NHEJ1: variants seen among roughly 807,000 people sequenced by gnomAD.
NHEJ1 encodes the protein non-homologous end joining factor 1.
NHEJ1 carries 22 observed loss-of-function variants against 39.4 expected under a neutral mutation model. The observed-to-expected ratio is 0.56, with a 90% confidence interval of 0.40 to 0.80. The LOEUF (loss-of-function observed/expected upper bound fraction) is 0.80. Ranked by LOEUF, NHEJ1 falls within the 30% of genes least tolerant of loss-of-function variation. The probability of loss-of-function intolerance (pLI) is 0.00; values close to 1 mark genes in which losing one functional copy is unlikely to be tolerated. For missense variants in NHEJ1, 329 were observed against 357.1 expected, an observed-to-expected ratio of 0.92 and a Z score of 0.63; for synonymous variants, 154 against 135.6, an observed-to-expected ratio of 1.14 and a Z score of -0.94.
At chr2:219,122,519 T>C (rs1949481345) in intron 5 of NHEJ1, among the ~76,000 whole-genome samples, 1 of 152,200 alleles carries the variant, frequency 6.6e-6, no homozygotes, top group Non-Finnish European at 1.5e-5. Context: ...CCAGTGGTAT[T>C]CAATAAATGC....
intron 5 of NHEJ1, among the ~76,000 whole-genome samples, chr2:219,103,456 A>G (rs1395522126): frequency 6.6e-6 from 1 of 151,804 alleles, no homozygotes; most frequent in African/African-American, 2.4e-5. Context: ...TTGTATTTTT[A>G]GTAGAGATGA....
chr2:219,123,841 T>C (rs1478195785), intron 5 of NHEJ1, among the ~76,000 whole-genome samples: 1 of 152,112 alleles, frequency 6.6e-6, no homozygotes, highest in African/African-American at 2.4e-5. Context: ...AGGCCACACC[T>C]AGGAAGAGGG....
intron 7 of NHEJ1, 100 bp from the exon 8 acceptor site, chr2:219,076,555 GC>G: frequency 1.3e-6 from 1 of 756,030 alleles, no homozygotes; most frequent in Non-Finnish European, 2.1e-6. Context: ...TTAGGATGAG[GC>G]CTTTTTTTTT....
chr2:219,132,310 G>A (rs548994082), intron 5 of NHEJ1, among the ~76,000 whole-genome samples: 53 of 152,198 alleles, frequency 3.5e-4, no homozygotes, highest in African/African-American at 1.3e-3. Flanking sequence ...AAATTTAGGG[G>A]GGGATACTCT....
chr2:219,140,523 G>C (rs1016978669), intron 5 of NHEJ1, among the ~76,000 whole-genome samples: 3 of 152,168 alleles, frequency 2.0e-5, no homozygotes, highest in African/African-American at 4.8e-5. Context: ...TAGTTTTAAG[G>C]TAAAGCCAAC....
chr2:219,123,470 C>A (rs1949489794), intron 5 of NHEJ1, among the ~76,000 whole-genome samples: 2 of 152,092 alleles, frequency 1.3e-5, no homozygotes, highest in South Asian at 4.1e-4. Flanking sequence ...TAAAAACAAA[C>A]AAAAACAACA....
intron 5 of NHEJ1, among the ~76,000 whole-genome samples, chr2:219,143,116 T>C (rs548275492): frequency 6.6e-5 from 10 of 152,316 alleles, no homozygotes; most frequent in Admixed American, 5.2e-4. Flanking sequence ...AATGACCGCA[T>C]GGCCCTCTGA....
chr2:219,147,667 C>G lies in NHEJ1; in HGVS notation c.519G>C (p.Thr173=). Reference sequence around the variant, plus strand: ...AGAATGTCCTCTTACCTCGAATCAGCGTAGCCCCACTCTCCTGGTAGTCTT... The same window carrying G: ...AGAATGTCCTCTTACCTCGAATCAGGGTAGCCCCACTCTCCTGGTAGTCTT... ...EIQDYQESGA[T]LIRDRLKTEP... The change falls in exon 4 of 8, where the codon ACG becomes ACC. Residue 173 remains threonine, a synonymous_variant. Transcript: ENST00000356853. 6.2e-7 allele frequency: 1 copy of G among 1,614,190 alleles called. No individual in the cohort carries two copies.
chr2:219,079,439 G>T (rs1291159544), intron 5 of NHEJ1, among the ~76,000 whole-genome samples: 3 of 152,210 alleles, frequency 2.0e-5, no homozygotes, highest in Non-Finnish European at 4.4e-5. Context: ...ATAGAAGAGA[G>T]AAAGTGTGAG....
chr2:219,157,736 C>T (rs780469706), intron 2 of NHEJ1, 52 bp from the exon 3 acceptor site: 1 of 1,450,592 alleles, frequency 6.9e-7, no homozygotes, highest in South Asian at 1.2e-5. Context: ...AAACTAATTC[C>T]CTCATAAGTA....
chr2:219,112,359 G>A (rs1425171329), intron 5 of NHEJ1, among the ~76,000 whole-genome samples: 1 of 152,086 alleles, frequency 6.6e-6, no homozygotes, highest in Admixed American at 6.5e-5. Flanking sequence ...CAAAAATATT[G>A]TCCTAATTCA....
At chr2:219,110,865 C>T (rs1055189645) in intron 5 of NHEJ1, among the ~76,000 whole-genome samples, 1 of 152,094 alleles carries the variant, frequency 6.6e-6, no homozygotes, top group Non-Finnish European at 1.5e-5. Context: ...TTCATCACAG[C>T]GCTCCTCCTC....
rs1162461853 is a variant in NHEJ1, at chr2:219,074,720, CA to C, written c.*1660del. ...TTGTGCGATTGTACTCCAGCCTAGGCAACAAGAGCAAGACTCCATTAAAAAA... is the reference window on the plus strand; with the variant it reads ...TTGTGCGATTGTACTCCAGCCTAGGCACAAGAGCAAGACTCCATTAAAAAA... On this transcript the variant is annotated 3_prime_UTR_variant, in exon 8 of 8. Coordinates refer to ENST00000356853, the MANE Select transcript of NHEJ1 (RefSeq NM_024782.3). Among the ~76,000 whole-genome samples, 19 of 149,388 alleles carry C rather than the reference CA, an allele frequency of 1.3e-4. 1 individual carries two copies. In the East Asian group the frequency reaches 3.7e-3, roughly 29 times the overall value.
At chr2:219,130,772 T>C (rs541577057) in intron 5 of NHEJ1, among the ~76,000 whole-genome samples, 2 of 152,252 alleles carry the variant, frequency 1.3e-5, no homozygotes, top group African/African-American at 4.8e-5. Flanking sequence ...ACTCTCCAAA[T>C]AATAGTCTGT....
Position 219,137,595 on chromosome 2 carries a change from A to AAAAAAAAAAAAC in NHEJ1, c.588+9084_588+9085insGTTTTTTTTTTT, listed in dbSNP as rs143557047. ...CAAAAAAAAAAAAAAAAAAAAAACA[A>AAAAAAAAAAAAC]AAAAAACTGAAAACCACCTTCAGAA... On this transcript the variant is annotated intron_variant, in intron 5 of 7. Transcript: ENST00000356853. Among the ~76,000 whole-genome samples, 78 of 82,748 alleles carry AAAAAAAAAAAAC rather than the reference A, an allele frequency of 9.4e-4. 3 individuals are homozygous for AAAAAAAAAAAAC. The highest frequency in any genetic ancestry group is 1.9e-3 in the Non-Finnish European group (62 of 32,956). 54.3% of individuals were successfully genotyped at this position (82,748 alleles called of 152,430 possible).
intron 5 of NHEJ1, among the ~76,000 whole-genome samples, chr2:219,113,205 G>A (rs960611319): frequency 3.3e-5 from 5 of 152,172 alleles, no homozygotes; most frequent in African/African-American, 9.6e-5. Flanking sequence ...TGTTAAACGT[G>A]TGTCATAAAA....
chr2:219,092,551 C>T (rs1559188849), intron 5 of NHEJ1, among the ~76,000 whole-genome samples: 1 of 152,298 alleles, frequency 6.6e-6, no homozygotes, highest in African/African-American at 2.4e-5. Flanking sequence ...TTCTAATATA[C>T]AGTGTCTTTT....
chr2:219,149,752 C>G (rs1194740167), intron 3 of NHEJ1, among the ~76,000 whole-genome samples: 35 of 152,202 alleles, frequency 2.3e-4, no homozygotes, highest in Non-Finnish European at 1.5e-5. Flanking sequence ...GATCAGAGGT[C>G]AGCAAACTTT....
At chr2:219,088,480 G>A (rs1455016917) in intron 5 of NHEJ1, among the ~76,000 whole-genome samples, 1 of 151,364 alleles carries the variant, frequency 6.6e-6, no homozygotes, top group Non-Finnish European at 1.5e-5. Context: ...GCAACAGAGT[G>A]AGACCCTGTC....
Sources: gnomAD v4.1 joint callset for allele counts (sites outside exome capture counted in the v4.1 genomes callset) on GRCh38, gnomAD v4.1.1 for gene constraint, MANE v1.5 for transcripts, NCBI Gene and HGNC (gene_info 2026-07-23, HGNC 2026-07-21) for gene names.